Variants in AGTPBP1 observed in about 807,000 individuals in gnomAD.
AGTPBP1 encodes cytosolic carboxypeptidase 1.
In AGTPBP1, 70 loss-of-function variants were observed where a neutral mutation model predicts 143.9. That is an observed-to-expected ratio of 0.49 (90% CI 0.40 to 0.59). AGTPBP1 has a LOEUF of 0.59. Ranked by LOEUF, AGTPBP1 falls within the 20% of genes least tolerant of loss-of-function variation. The pLI is 0.00. For synonymous variants in AGTPBP1, 463 were observed against 500.2 expected (o/e 0.93, Z 0.99); for missense variants, 1,229 against 1,464.5 (o/e 0.84, Z 2.62).
At chr9:85,772,643 T>C in the AGTPBP1 span, among the ~76,000 whole-genome samples, 119 of 152,158 alleles carry the variant, frequency 7.8e-4, 1 homozygote, top group African/African-American at 2.5e-3. Flanking sequence ...GTCCCAGCTA[T>C]GTGGGAGGCT....
chr9:85,581,972 A>T (rs376944704), intron 23 of AGTPBP1, among the ~76,000 whole-genome samples: 11 of 152,338 alleles, frequency 7.2e-5, no homozygotes, highest in African/African-American at 2.6e-4. Flanking sequence ...GAAAGAAAAA[A>T]AATCTGATAT....
the AGTPBP1 span, among the ~76,000 whole-genome samples, chr9:85,776,189 T>C: frequency 6.6e-6 from 1 of 152,238 alleles, no homozygotes; most frequent in African/African-American, 2.4e-5. Context: ...CAATAAATCT[T>C]ATGTCACATG....
In AGTPBP1 at chr9:85,585,404, T is replaced by G. The variant is rs574761226; in HGVS notation, c.3165+59A>C. On this transcript the variant is annotated intron_variant, in intron 23 of 25. Coordinates refer to ENST00000357081, the MANE Select transcript of AGTPBP1 (RefSeq NM_001330701.2). ...ATGTGAGTAGTTCATATATGTTCTTTTCTGTACTTTTATGCATGTTTGAAA... is the reference window on the plus strand; with the variant it reads ...ATGTGAGTAGTTCATATATGTTCTTGTCTGTACTTTTATGCATGTTTGAAA... 170 of 1,452,058 alleles carry G rather than the reference T, an allele frequency of 1.2e-4. No homozygotes were observed. The African/African-American group carries it at 2.3e-3, about 20-fold the overall frequency. 89.9% of individuals were successfully genotyped at this position (1,452,058 alleles called of 1,614,324 possible). A position where few individuals can be genotyped will look rare whatever the true frequency, so the allele number is the denominator to read the frequency against.
the AGTPBP1 span, among the ~76,000 whole-genome samples, chr9:85,764,195 C>CT: frequency 0.058 from 8,544 of 148,036 alleles, 194 homozygotes; most frequent in Non-Finnish European, 0.063. Context: ...TTTAAATAGA[C>CT]TTTTTTTTTT....
intron 24 of AGTPBP1, among the ~76,000 whole-genome samples, chr9:85,577,720 C>T (rs994158822): frequency 2.0e-5 from 3 of 152,134 alleles, no homozygotes; most frequent in Non-Finnish European, 4.4e-5. Flanking sequence ...TTCTACTTTA[C>T]TACTACTATA....
chr9:85,724,958 T>C (rs1838376975), intron 1 of AGTPBP1, among the ~76,000 whole-genome samples: 1 of 152,162 alleles, frequency 6.6e-6, no homozygotes, highest in Non-Finnish European at 1.5e-5. Flanking sequence ...GCAGATACGG[T>C]ATAATGGCAC....
rs1242071031 is a variant in AGTPBP1, at chr9:85,586,843, C to T, written c.3021G>A (p.Lys1007=). The change falls in exon 22 of 26, where the codon AAG becomes AAA. Residue 1007 remains lysine (K), a synonymous_variant. Coordinates refer to ENST00000357081, the MANE Select transcript of AGTPBP1 (RefSeq NM_001330701.2). The part of the protein sequence containing the change: ...KGLLQYLAAV[K]RLPLVYCDYH... ...TATTGCTACTTACCAAGGGTAAACG[C>T]TTCACTGCAGCCAAGTATTGCAACA... 6.2e-7 allele frequency: 1 copy of T among 1,613,690 alleles called. No individual in the cohort carries two copies. The highest frequency in any genetic ancestry group is 1.7e-5 in the Admixed American group (1 of 60,010).
chr9:85,612,780 G>C (rs754113126), intron 17 of AGTPBP1, among the ~76,000 whole-genome samples: 1 of 152,140 alleles, frequency 6.6e-6, no homozygotes, highest in Admixed American at 6.5e-5. Flanking sequence ...CACCCAGTTG[G>C]TGTCTGGAGA....
At chr9:85,712,120 C>A (rs1837418424) in intron 2 of AGTPBP1, among the ~76,000 whole-genome samples, 1 of 151,978 alleles carries the variant, frequency 6.6e-6, no homozygotes, top group Admixed American at 6.6e-5. Context: ...AAAAAATCAG[C>A]CGGGTGTGGT....
chr9:85,691,542 T>G (rs976362570), intron 3 of AGTPBP1, among the ~76,000 whole-genome samples: 5 of 150,444 alleles, frequency 3.3e-5, no homozygotes, highest in Non-Finnish European at 7.4e-5. Context: ...AGAGGGTGTG[T>G]GTGTGTGTGT....
Position 85,657,516 on chromosome 9 carries a change from TAA to T in AGTPBP1, c.826_827del (p.Leu276LysfsTer15). ...MLIRKGILQSLKSVTNIKLGR... is the reference protein window; with the variant it reads ...MLIRKGILQSXKSVTNIKLGR... ...CCAACTTGATGTTTGTAACACTTTT[TAA>T]ACTCTGTAAAATTCCTTTCCGAATG... On this transcript the variant is annotated frameshift_variant, in exon 10 of 26. Transcript: ENST00000357081. LOFTEE classifies it high-confidence loss of function. The T allele has an allele frequency of 6.2e-7, 1 of 1,613,990 alleles. No homozygotes were observed. The highest frequency in any genetic ancestry group is 8.5e-7 in the Non-Finnish European group (1 of 1,179,922).
At chr9:85,754,140 A>G in the AGTPBP1 span, among the ~76,000 whole-genome samples, 903 of 152,328 alleles carry the variant, frequency 5.9e-3, 5 homozygotes, top group African/African-American at 0.021. Context: ...TAGAATATAA[A>G]CATGAAATCC....
At position 85,690,085 on chromosome 9, in the gene AGTPBP1, G is replaced by A. The variant is rs554221190; in HGVS notation, c.157+2604C>T. On this transcript the variant is annotated intron_variant, in intron 3 of 25. Transcript: ENST00000357081. Reference sequence around the variant, plus strand: ...CAGTGTATGAGAGTACCCTCTCCCCGTGCCTTCAACAGCACCAGACATTGT... The same window carrying A: ...CAGTGTATGAGAGTACCCTCTCCCCATGCCTTCAACAGCACCAGACATTGT... Among the ~76,000 whole-genome samples, 30 of 151,716 alleles carry A rather than the reference G, an allele frequency of 2.0e-4. No individual in the cohort carries two copies. The South Asian group carries it at 4.4e-3, about 22-fold the overall frequency.
At chr9:85,551,912 C>T (rs1335617845) in intron 25 of AGTPBP1, among the ~76,000 whole-genome samples, 1 of 152,094 alleles carries the variant, frequency 6.6e-6, no homozygotes. Context: ...CTAACCAGTA[C>T]TTAATTATTT....
At chr9:85,755,616 T>C in the AGTPBP1 span, among the ~76,000 whole-genome samples, 3 of 152,144 alleles carry the variant, frequency 2.0e-5, no homozygotes, top group African/African-American at 7.2e-5. Context: ...GAATGCCCAC[T>C]GTGGCCCAGG....
chr9:85,720,479 C>T (rs1838030751), intron 1 of AGTPBP1, among the ~76,000 whole-genome samples: 2 of 152,104 alleles, frequency 1.3e-5, no homozygotes, highest in African/African-American at 2.4e-5. Flanking sequence ...CTGATGGTAG[C>T]TTGTATTTCT....
chr9:85,723,294 A>T (rs2134641661), intron 1 of AGTPBP1, among the ~76,000 whole-genome samples: 1 of 152,266 alleles, frequency 6.6e-6, no homozygotes, highest in South Asian at 2.1e-4. Context: ...GGAATCTAGA[A>T]AGGCAGTAGG....
chr9:85,677,913 A>G (rs1303463031), intron 5 of AGTPBP1, among the ~76,000 whole-genome samples: 1 of 152,160 alleles, frequency 6.6e-6, no homozygotes, highest in Non-Finnish European at 1.5e-5. Context: ...CTGAGGCAGG[A>G]GAATCTCTTG....
At chr9:85,578,863 A>G in intron 24 of AGTPBP1, 57 bp downstream of exon 24, 1 of 1,539,020 alleles carries the variant, frequency 6.5e-7, no homozygotes, top group Non-Finnish European at 8.9e-7. Context: ...CACAAGATAT[A>G]TATGAAAGGA....
Sources: gnomAD v4.1 joint callset for allele counts (sites outside exome capture counted in the v4.1 genomes callset) on GRCh38, gnomAD v4.1.1 for gene constraint, MANE v1.5 for transcripts, NCBI Gene and HGNC (gene_info 2026-07-23, HGNC 2026-07-21) for gene names.